Variants in TPRG1 observed in about 807,000 individuals in gnomAD.
TPRG1 encodes tumor protein p63-regulated gene 1 protein.
Under a neutral mutation model 29.3 loss-of-function variants are expected in TPRG1, and 29 were observed. The observed-to-expected ratio is 0.99, with a 90% CI of 0.74 to 1.35. TPRG1 has a LOEUF of 1.35. TPRG1 is among the 40% of genes most tolerant of loss of function. The pLI, the probability that TPRG1 is intolerant of heterozygous loss-of-function variation, is 0.00. For synonymous variants in TPRG1, 130 were observed against 116.8 expected, an observed-to-expected ratio of 1.11 and a Z score of -0.73; for missense variants, 327 against 335.0, an observed-to-expected ratio of 0.98 and a Z score of 0.19.
chr3:189,052,804 G>T (rs1715413217), intron 4 of TPRG1, among the ~76,000 whole-genome samples: 1 of 152,142 alleles, frequency 6.6e-6, no homozygotes, highest in South Asian at 2.1e-4. Flanking sequence ...TGAGATTCGG[G>T]ACTATTATTC....
Position 189,070,027 on chromosome 3 carries a change from G to A in TPRG1, c.-463+46081G>A, listed in dbSNP as rs182265387. Among the ~76,000 whole-genome samples, 18 of 152,224 alleles carry A rather than the reference G, an allele frequency of 1.2e-4. No homozygotes were observed. The East Asian group carries it at 3.5e-3, about 29-fold the overall frequency. ...ACCTGGGAGGTGGAGGTTGCAGTGA[G>A]CAGAGATCACGCCACTGCACTCCAG... On this transcript the variant is annotated intron_variant, in intron 4 of 10. Transcript: ENST00000433971.
chr3:189,234,018 G>A (rs1048880386), intron 3 of TPRG1, among the ~76,000 whole-genome samples: 2 of 152,026 alleles, frequency 1.3e-5, no homozygotes, highest in Non-Finnish European at 2.9e-5. Flanking sequence ...CTATAGCCGC[G>A]GACCAACACA....
intron 3 of TPRG1, among the ~76,000 whole-genome samples, chr3:189,017,857 G>C (rs1444006502): frequency 6.6e-6 from 1 of 152,038 alleles, no homozygotes; most frequent in African/African-American, 2.4e-5. Flanking sequence ...CAGTGTAAAA[G>C]TGTTCCTATT....
At chr3:189,207,301 T>A in intron 1 of TPRG1, 75 bp from the exon 2 acceptor site, 1 of 1,547,880 alleles carries the variant, frequency 6.5e-7, no homozygotes, top group Non-Finnish European at 8.8e-7. Flanking sequence ...GCTCATCATA[T>A]TCTGTTTTGC....
chr3:189,241,094 T>A (rs941982839), intron 4 of TPRG1, among the ~76,000 whole-genome samples: 1 of 152,208 alleles, frequency 6.6e-6, no homozygotes, highest in Non-Finnish European at 1.5e-5. Context: ...ATGTAATTGT[T>A]CCTTTAATGT....
chr3:189,000,708 C>T (rs1263840025), intron 1 of TPRG1: 1 of 151,590 alleles, frequency 6.6e-6, no homozygotes, highest in Admixed American at 6.6e-5. Context: ...CTCTTTAATT[C>T]CATTATGTAT....
At chr3:189,060,721 G>A (rs1716045673) in intron 4 of TPRG1, among the ~76,000 whole-genome samples, 2 of 152,028 alleles carry the variant, frequency 1.3e-5, no homozygotes, top group African/African-American at 2.4e-5. Context: ...AAAATACCTA[G>A]GAATACAGCT....
chr3:189,244,845 T>C (rs1741145652), intron 4 of TPRG1, among the ~76,000 whole-genome samples: 1 of 152,226 alleles, frequency 6.6e-6, no homozygotes, highest in Non-Finnish European at 1.5e-5. Flanking sequence ...TGTTGGTTTT[T>C]AACAAGATCA....
chr3:189,185,248 C>T (rs1009226220), intron 1 of TPRG1, among the ~76,000 whole-genome samples: 2 of 151,908 alleles, frequency 1.3e-5, no homozygotes, highest in Non-Finnish European at 2.9e-5. Context: ...CCTGATCTCA[C>T]TCAGTTACCC....
At chr3:189,317,239 A>G (rs1386710039) in intron 5 of TPRG1, among the ~76,000 whole-genome samples, 1 of 152,174 alleles carries the variant, frequency 6.6e-6, no homozygotes, top group Non-Finnish European at 1.5e-5. Flanking sequence ...TTGTTGCAAT[A>G]GAATTGTTGA....
chr3:189,141,786 T>C (rs1008945833), intron 3 of TPRG1, among the ~76,000 whole-genome samples: 4 of 152,200 alleles, frequency 2.6e-5, no homozygotes, highest in Admixed American at 6.5e-5. Context: ...ATCAAGTTCA[T>C]ACACTATATT....
intron 4 of TPRG1, among the ~76,000 whole-genome samples, chr3:189,058,575 G>A (rs879688451): frequency 2.0e-5 from 3 of 152,174 alleles, no homozygotes; most frequent in African/African-American, 4.8e-5. Flanking sequence ...AAGTCAAGGC[G>A]CTGTTAGAAT....
intron 4 of TPRG1, among the ~76,000 whole-genome samples, chr3:189,266,994 A>C (rs1271150908): frequency 6.6e-6 from 1 of 152,140 alleles, no homozygotes; most frequent in Non-Finnish European, 1.5e-5. Flanking sequence ...ACAATGGTCT[A>C]GTTGTCTCTA....
intron 4 of TPRG1, among the ~76,000 whole-genome samples, chr3:189,041,314 A>G (rs964871984): frequency 6.6e-6 from 1 of 152,178 alleles, no homozygotes. Flanking sequence ...ATAAACTAAA[A>G]GCTGCTTGAG....
At chr3:189,318,835 C>T (rs978309727) in intron 5 of TPRG1, among the ~76,000 whole-genome samples, 6 of 152,084 alleles carry the variant, frequency 3.9e-5, no homozygotes, top group Non-Finnish European at 7.4e-5. Flanking sequence ...AATATTTTCT[C>T]CCTTTTGCAA....
chr3:189,193,927 G>T, intron 1 of TPRG1, among the ~76,000 whole-genome samples: 1 of 143,534 alleles, frequency 7.0e-6, no homozygotes. Flanking sequence ...ATTTATTGAG[G>T]TCGGCTACTA....
At chr3:189,016,581 C>A (rs984387321) in intron 3 of TPRG1, among the ~76,000 whole-genome samples, 5 of 152,050 alleles carry the variant, frequency 3.3e-5, no homozygotes, top group African/African-American at 4.8e-5. Context: ...TCTGTGACCC[C>A]ACCCAAATCT....
At chr3:189,181,232 T>C (rs553737243) in intron 1 of TPRG1, among the ~76,000 whole-genome samples, 1 of 152,140 alleles carries the variant, frequency 6.6e-6, no homozygotes, top group African/African-American at 2.4e-5. Context: ...CCTGGAGACA[T>C]TTTCCCCATT....
chr3:189,096,352 C>T (rs1321640167), upstream of TPRG1, among the ~76,000 whole-genome samples: 1 of 152,236 alleles, frequency 6.6e-6, no homozygotes, highest in Non-Finnish European at 1.5e-5. Context: ...ACTTCTCTCA[C>T]CCCTCTTCTC....
Sources: allele counts gnomAD v4.1 joint callset (sites outside exome capture counted in the v4.1 genomes callset), GRCh38; gene constraint gnomAD v4.1.1; transcripts MANE v1.5; gene names NCBI Gene and HGNC (gene_info 2026-07-23, HGNC 2026-07-21).